The following ERO1A variants were observed in gnomAD, a reference collection of about 807,000 sequenced individuals.
The protein encoded by ERO1A is ERO1-like protein alpha.
In ERO1A, 49 loss-of-function variants were observed where a neutral mutation model predicts 76.9. That is an observed-to-expected ratio of 0.64 (90% CI 0.51 to 0.81). The LOEUF (loss-of-function observed/expected upper bound fraction) is 0.81. ERO1A is among the 30% of genes least tolerant of loss of function. ERO1A has a pLI of 0.00. For missense variants in ERO1A, 448 were observed against 542.1 expected, an observed-to-expected ratio of 0.83 and a Z score of 1.72; for synonymous variants, 174 against 181.2, an observed-to-expected ratio of 0.96 and a Z score of 0.32.
intron 6 of ERO1A, among the ~76,000 whole-genome samples, chr14:52,669,985 A>C (rs1160689298): frequency 6.6e-6 from 1 of 152,190 alleles, no homozygotes; most frequent in African/African-American, 2.4e-5. Context: ...ACAGTGGTGC[A>C]ATCAGAGCTC....
chr14:52,667,447 C>T (rs1346789477), intron 6 of ERO1A, among the ~76,000 whole-genome samples: 1 of 152,038 alleles, frequency 6.6e-6, no homozygotes, highest in Non-Finnish European at 1.5e-5. Context: ...AGGGTGGGCA[C>T]GATGGTTCAT....
chr14:52,661,752 C>A (rs2040240404), intron 8 of ERO1A, among the ~76,000 whole-genome samples: 1 of 152,028 alleles, frequency 6.6e-6, no homozygotes, highest in South Asian at 2.1e-4. Flanking sequence ...TAACCTTAGT[C>A]GGGAATATTT....
At position 52,671,684 on chromosome 14, in the gene ERO1A, C is replaced by T. The variant is rs745946785; in HGVS notation, c.454G>A (p.Val152Ile). Residue 152 changes from valine to isoleucine, a missense_variant, in exon 6 of 16, where the codon GTT (valine) becomes ATT (isoleucine). Around this residue, in one of 2 missense-constraint regions of ERO1A, gnomAD observed 302 missense variants for 411.9 expected, o/e 0.73. Transcript: ENST00000395686. ...ESLSEETQKAVLQWTKHDDSS... is the reference protein window; with the variant it reads ...ESLSEETQKAILQWTKHDDSS... The stretch of plus-strand genomic sequence containing the variant: ...TCATCATGCTTGGTCCACTGAAGAA[C>T]AGCCTTCTGTGTTTCCTCACTTCAA... 1.9e-6 allele frequency: 3 copies of T among 1,606,890 alleles called. No homozygotes were observed. The highest frequency in any genetic ancestry group is 4.5e-5 in the East Asian group (2 of 44,686).
At chr14:52,650,154 G>A (rs920098736) in intron 13 of ERO1A, among the ~76,000 whole-genome samples, 15 of 152,108 alleles carry the variant, frequency 9.9e-5, no homozygotes, top group African/African-American at 3.1e-4. Flanking sequence ...AGGAGTTCCA[G>A]GCTGCAGTGA....
intron 3 of ERO1A, among the ~76,000 whole-genome samples, chr14:52,680,560 A>G (rs1158924773): frequency 6.6e-6 from 1 of 152,218 alleles, no homozygotes; most frequent in Non-Finnish European, 1.5e-5. Context: ...AACAAGTATA[A>G]TTAAACGCCT....
intron 3 of ERO1A, among the ~76,000 whole-genome samples, chr14:52,678,763 G>A (rs1306595192): frequency 1.3e-5 from 2 of 152,098 alleles, no homozygotes; most frequent in African/African-American, 4.8e-5. Flanking sequence ...TTGGCCACTA[G>A]GAGATCCACT....
At chr14:52,666,585 C>T (rs753874996) in intron 6 of ERO1A, 90 bp from the exon 7 acceptor site, 2 of 1,155,580 alleles carry the variant, frequency 1.7e-6, no homozygotes, top group African/African-American at 1.6e-5. Flanking sequence ...GATTCTAACG[C>T]ACCACAAATA....
chr14:52,677,126 C>A (rs2040812023), intron 4 of ERO1A, among the ~76,000 whole-genome samples: 1 of 151,976 alleles, frequency 6.6e-6, no homozygotes, highest in Non-Finnish European at 1.5e-5. Context: ...GGATTTTAAA[C>A]AGAGAAGACA....
intron 13 of ERO1A, among the ~76,000 whole-genome samples, chr14:52,647,790 C>T (rs187145886): frequency 6.6e-6 from 1 of 152,230 alleles, no homozygotes; most frequent in Admixed American, 6.5e-5. Context: ...TTACAGTATT[C>T]TTAGCAGGAA....
intron 4 of ERO1A, 24 bp downstream of exon 4, chr14:52,678,410 A>G (rs750718117): frequency 1.2e-6 from 2 of 1,601,970 alleles, no homozygotes; most frequent in East Asian, 2.2e-5. Flanking sequence ...GATACTGGAC[A>G]CATCAATAGG....
At chr14:52,664,966 T>C (rs2040359356) in intron 7 of ERO1A, among the ~76,000 whole-genome samples, 1 of 151,786 alleles carries the variant, frequency 6.6e-6, no homozygotes, top group Non-Finnish European at 1.5e-5. Context: ...TAATTCACAC[T>C]AAAAATAACA....
At chr14:52,669,523 C>G (rs566367646) in intron 6 of ERO1A, among the ~76,000 whole-genome samples, 1 of 152,202 alleles carries the variant, frequency 6.6e-6, no homozygotes, top group Non-Finnish European at 1.5e-5. Context: ...ATCCAACATG[C>G]CTGGGACCAT....
At chr14:52,658,096 T>G in intron 10 of ERO1A, 28 bp downstream of exon 10, 2 of 1,503,736 alleles carry the variant, frequency 1.3e-6, no homozygotes, top group Non-Finnish European at 1.8e-6. Flanking sequence ...AAACCATCAT[T>G]GAAATTTATT....
intron 1 of ERO1A, 48 bp downstream of exon 1, chr14:52,695,320 G>T: frequency 7.8e-7 from 1 of 1,288,538 alleles, no homozygotes; most frequent in Non-Finnish European, 1.0e-6. Flanking sequence ...GACAGTGCAC[G>T]CCGCGGAGGG....
In ERO1A at chr14:52,651,216, A is replaced by C. The variant is rs72684265; in HGVS notation, c.1125+1023T>G. ...GGTGGGAGGATCGCTTGAGCACAGA[A>C]TTTCAAGGTAGCAATGAGCCGTGAT... On this transcript the variant is annotated intron_variant, in intron 13 of 15. Transcript: ENST00000395686. 8.0e-3 allele frequency among the ~76,000 whole-genome samples: 1,214 copies of C among 152,042 alleles called. 11 individuals are homozygous for C. The highest frequency in any genetic ancestry group is 0.014 in the Non-Finnish European group (930 of 67,980).
At chr14:52,659,492 G>A (rs2040160599) in intron 9 of ERO1A, among the ~76,000 whole-genome samples, 1 of 152,052 alleles carries the variant, frequency 6.6e-6, no homozygotes, top group African/African-American at 2.4e-5. Context: ...TCTTAACTCT[G>A]CTACTTACAA....
At chr14:52,668,721 A>C (rs1202409456) in intron 6 of ERO1A, among the ~76,000 whole-genome samples, 1 of 149,480 alleles carries the variant, frequency 6.7e-6, no homozygotes, top group South Asian at 2.1e-4. Flanking sequence ...TTCTTCTTCA[A>C]GCTTATAAAA....
intron 1 of ERO1A, among the ~76,000 whole-genome samples, chr14:52,693,364 A>T (rs560272629): frequency 3.9e-5 from 6 of 152,190 alleles, no homozygotes; most frequent in Non-Finnish European, 8.8e-5. Flanking sequence ...CCCATGCTGG[A>T]TGCTTCCTGC....
intron 1 of ERO1A, among the ~76,000 whole-genome samples, chr14:52,684,130 C>CACACACACACAG (rs2041095686): frequency 8.9e-6 from 1 of 112,236 alleles, no homozygotes. Context: ...CACACACACA[C>CACACACACACAG]ACACACACAC....
Sources: allele counts gnomAD v4.1 joint callset (sites outside exome capture counted in the v4.1 genomes callset), GRCh38; gene constraint gnomAD v4.1.1; regional missense constraint gnomAD v4.1.1; transcripts MANE v1.5; gene names NCBI Gene and HGNC (gene_info 2026-07-23, HGNC 2026-07-21).